The following HSPA12A variants were observed in gnomAD, a reference collection of about 807,000 sequenced individuals.
HSPA12A encodes heat shock protein family A (Hsp70) member 12A, also known as heat shock 70 kDa protein 12A.
Under a neutral mutation model 69.2 loss-of-function variants are expected in HSPA12A, and 28 were observed. The ratio of observed to expected loss-of-function variants is 0.40; its 90% CI spans 0.30 to 0.55. The LOEUF (loss-of-function observed/expected upper bound fraction) is 0.55. Among genes scored for constraint, HSPA12A ranks in the 20% least tolerant of loss-of-function variants. The probability of loss-of-function intolerance (pLI) is 0.38; values close to 1 mark genes in which losing one functional copy is unlikely to be tolerated. For missense variants in HSPA12A, 686 were observed against 900.7 expected (o/e 0.76, Z 3.05); for synonymous variants, 345 against 370.5 (o/e 0.93, Z 0.79).
At chr10:116,848,475 G>A (rs988456823) in intron 1 of HSPA12A, among the ~76,000 whole-genome samples, 1 of 152,208 alleles carries the variant, frequency 6.6e-6, no homozygotes, top group African/African-American at 2.4e-5. Flanking sequence ...GGCAGAGGAG[G>A]TAAGATGATG....
At chr10:116,698,879 G>T in intron 4 of HSPA12A, 140 bp from the exon 5 acceptor site, 1 of 650,218 alleles carries the variant, frequency 1.5e-6, no homozygotes, top group East Asian at 2.6e-5. Flanking sequence ...AGGCAGACTA[G>T]GATGGCGCAT....
At chr10:116,682,620 G>A (rs1021548330) in intron 7 of HSPA12A, among the ~76,000 whole-genome samples, 1 of 152,202 alleles carries the variant, frequency 6.6e-6, no homozygotes, top group Non-Finnish European at 1.5e-5. Flanking sequence ...ACGCCTATGT[G>A]GCTATGAGAG....
chr10:116,818,350 G>A (rs772141800), intron 2 of HSPA12A, among the ~76,000 whole-genome samples: 1 of 152,126 alleles, frequency 6.6e-6, no homozygotes, highest in African/African-American at 2.4e-5. Context: ...CTGTGGTGGT[G>A]TCCCAGGTCA....
chr10:116,850,223 G>A (rs1846035377), upstream of HSPA12A: 1 of 221,504 alleles, frequency 4.5e-6, no homozygotes, highest in Admixed American at 5.5e-5. Flanking sequence ...CTGCCGGGAT[G>A]CCAGTTAATA....
chr10:116,700,887 A>G, intron 4 of HSPA12A, 56 bp downstream of exon 4: 1 of 1,563,430 alleles, frequency 6.4e-7, no homozygotes, highest in African/African-American at 1.4e-5. Flanking sequence ...CCAAGGCTGG[A>G]GGAAGCTTGG....
intron 1 of HSPA12A, among the ~76,000 whole-genome samples, chr10:116,707,868 C>G (rs1274508653): frequency 1.3e-5 from 2 of 152,124 alleles, no homozygotes; most frequent in Non-Finnish European, 2.9e-5. Context: ...CATCTCTCTT[C>G]AGTGATACTG....
At chr10:116,689,114 C>G (rs1426778076) in intron 6 of HSPA12A, among the ~76,000 whole-genome samples, 1 of 152,088 alleles carries the variant, frequency 6.6e-6, no homozygotes, top group African/African-American at 2.4e-5. Flanking sequence ...GGGCAGTGAG[C>G]CATAGCCTGC....
rs370869909 is a variant in HSPA12A, at chr10:116,708,860, G to T, written c.41-1575C>A. Among the ~76,000 whole-genome samples, 5 of 152,312 alleles carry T rather than the reference G, an allele frequency of 3.3e-5. No individual in the cohort carries two copies. In the East Asian group the frequency reaches 7.7e-4, roughly 23 times the overall value. ...TGAGATATGGCTTCACACTGACTAG[G>T]ATGGCTACAGTTTTTTAAGAAAGGA... is the stretch of plus-strand genomic sequence containing the variant. On this transcript the variant is annotated intron_variant, in intron 1 of 11. Transcript: ENST00000369209.
intron 1 of HSPA12A, among the ~76,000 whole-genome samples, chr10:116,735,565 C>T (rs1263205653): frequency 2.0e-5 from 3 of 152,204 alleles, no homozygotes; most frequent in Non-Finnish European, 2.9e-5. Context: ...CACCAACCCC[C>T]AGACCTGTGA....
chr10:116,742,643 G>A, upstream of HSPA12A: 1 of 997,832 alleles, frequency 1.0e-6, no homozygotes, highest in Non-Finnish European at 1.2e-6. Context: ...CCCCGCCCCG[G>A]CCCGCCCGGC....
chr10:116,799,297 G>A (rs564710620), intron 2 of HSPA12A, among the ~76,000 whole-genome samples: 44 of 152,168 alleles, frequency 2.9e-4, no homozygotes, highest in South Asian at 1.2e-3. Flanking sequence ...CTGAAAACAG[G>A]GCCTTCTGTT....
At chr10:116,822,301 T>A (rs1166691719) in intron 2 of HSPA12A, among the ~76,000 whole-genome samples, 1 of 152,230 alleles carries the variant, frequency 6.6e-6, no homozygotes, top group African/African-American at 2.4e-5. Context: ...CCTTCGGTGA[T>A]CCTCAGCTTC....
At chr10:116,698,607 G>T in intron 5 of HSPA12A, 28 bp downstream of exon 5, 1 of 1,572,712 alleles carries the variant, frequency 6.4e-7, no homozygotes, top group Non-Finnish European at 8.7e-7. Context: ...CTAGCACACA[G>T]CTGGCTGGCC....
At chr10:116,823,921 TA>T (rs1263038748) in intron 2 of HSPA12A, among the ~76,000 whole-genome samples, 1 of 152,164 alleles carries the variant, frequency 6.6e-6, no homozygotes, top group Non-Finnish European at 1.5e-5. Context: ...TAATAAAAAT[TA>T]AAAACCTTCA....
intron 2 of HSPA12A, among the ~76,000 whole-genome samples, chr10:116,834,492 G>C (rs1845675166): frequency 6.6e-6 from 1 of 152,164 alleles, no homozygotes; most frequent in African/African-American, 2.4e-5. Context: ...CCTCTGAGAG[G>C]AGAGACATGT....
intron 2 of HSPA12A, among the ~76,000 whole-genome samples, chr10:116,818,880 T>C (rs113253114): frequency 0.011 from 1,633 of 152,272 alleles, 22 homozygotes; most frequent in African/African-American, 0.034. Context: ...CACATTGCAG[T>C]GTGTCTCCAG....
intron 11 of HSPA12A, 28 bp downstream of exon 11, chr10:116,676,371 C>G (rs572101698): frequency 1.5e-5 from 24 of 1,572,056 alleles, no homozygotes; most frequent in Non-Finnish European, 2.0e-5. Context: ...TCTGCCTCGC[C>G]GAGTGGCCGA....
intron 2 of HSPA12A, among the ~76,000 whole-genome samples, chr10:116,778,833 G>T (rs1554891446): frequency 6.6e-6 from 1 of 152,198 alleles, no homozygotes; most frequent in Non-Finnish European, 1.5e-5. Context: ...TACTCAGAAG[G>T]CTGAGGCAGG....
At chr10:116,816,941 G>C (rs188074749) in intron 2 of HSPA12A, among the ~76,000 whole-genome samples, 42 of 152,286 alleles carry the variant, frequency 2.8e-4, no homozygotes, top group African/African-American at 8.7e-4. Flanking sequence ...AGCAGCTCCA[G>C]TCATGACATC....
Sources: allele counts gnomAD v4.1 joint callset (sites outside exome capture counted in the v4.1 genomes callset), GRCh38; gene constraint gnomAD v4.1.1; transcripts MANE v1.5; gene names NCBI Gene and HGNC (gene_info 2026-07-23, HGNC 2026-07-21).